UNC5A: variants seen among roughly 807,000 people sequenced by gnomAD.
The protein encoded by UNC5A is netrin receptor UNC5A.
In UNC5A, 20 loss-of-function variants were observed where a neutral mutation model predicts 87.4. The observed-to-expected ratio is 0.23, with a 90% CI of 0.16 to 0.33. The LOEUF (loss-of-function observed/expected upper bound fraction) is 0.33, where lower values mean the gene tolerates loss of function less well. UNC5A is among the 10% of genes least tolerant of loss of function. The pLI is 1.00. For missense variants in UNC5A, 844 were observed against 1,133.4 expected (o/e 0.74, Z 3.67); for synonymous variants, 438 against 482.3 (o/e 0.91, Z 1.20).
chr5:176,832,823 G>A (rs1318611111), intron 1 of UNC5A, among the ~76,000 whole-genome samples: 1 of 152,164 alleles, frequency 6.6e-6, no homozygotes, highest in African/African-American at 2.4e-5. Context: ...GTTGGTACTC[G>A]AGTGATCTCC....
At position 176,879,470 on chromosome 5, in the gene UNC5A, A is replaced by C; in HGVS notation, c.2345A>C (p.Gln782Pro). 1 of 1,609,698 alleles carries C rather than the reference A, an allele frequency of 6.2e-7. No individual in the cohort carries two copies. Among genetic ancestry groups the C allele is most frequent in the Non-Finnish European group, 8.5e-7 (1 of 1,178,346 alleles). ...RRGADWRTLA[Q>P]KLHLDSHLSF... ...GGTGCCGACTGGCGGACTCTGGCCC[A>C]GAAACTCCACCTGGACAGGTGGGCG... The change falls in exon 14 of 15, where the codon CAG (glutamine) becomes CCG (proline). Residue 782 changes from glutamine (Q) to proline (P), a missense_variant. Around this residue, in one of 3 missense-constraint regions of UNC5A, gnomAD observed 177 missense variants for 279.4 expected, o/e 0.63. Coordinates refer to ENST00000329542, the MANE Select transcript of UNC5A (RefSeq NM_133369.3).
intron 1 of UNC5A, among the ~76,000 whole-genome samples, chr5:176,822,344 G>T (rs1756747697): frequency 1.3e-5 from 2 of 152,228 alleles, no homozygotes; most frequent in South Asian, 4.1e-4. Context: ...GGTATCAAGG[G>T]CAGGGCCTGC....
At position 176,862,644 on chromosome 5, in the gene UNC5A, G is replaced by A. The variant is rs764604029; in HGVS notation, c.91G>A (p.Val31Met). ...CGCAGGTGCCCAGCAGAGTGCCACC[G>A]TGGCCAACCCAGTGCCTGGTGCCAA... ...RGSGAQQSAT[V>M]ANPVPGANPD... Residue 31 changes from valine to methionine, a missense_variant, in exon 2 of 15, where the codon GTG (valine) becomes ATG (methionine). By Grantham distance (21) the Val-to-Met change is conservative (BLOSUM62 1). Around this residue, in one of 3 missense-constraint regions of UNC5A, gnomAD observed 314 missense variants for 466.5 expected, o/e 0.67. Coordinates refer to ENST00000329542, the MANE Select transcript of UNC5A (RefSeq NM_133369.3). 39 of 1,613,318 alleles carry A rather than the reference G, an allele frequency of 2.4e-5. No homozygotes were observed. The highest frequency in any genetic ancestry group is 3.3e-5 in the Admixed American group (2 of 60,008).
intron 1 of UNC5A, among the ~76,000 whole-genome samples, chr5:176,811,686 T>C (rs982725629): frequency 1.3e-5 from 2 of 152,086 alleles, no homozygotes; most frequent in African/African-American, 2.4e-5. Context: ...TGTGGGGGCC[T>C]CCTGATCTCT....
chr5:176,843,684 C>G (rs1757333849), intron 1 of UNC5A, among the ~76,000 whole-genome samples: 1 of 152,242 alleles, frequency 6.6e-6, no homozygotes, highest in Non-Finnish European at 1.5e-5. Context: ...TTATTATCCA[C>G]GGAAGATTCT....
Position 176,848,775 on chromosome 5 carries a change from A to C in UNC5A, c.71-13849A>C, listed in dbSNP as rs2113632569. Among the ~76,000 whole-genome samples the C allele has an allele frequency of 6.6e-6, 1 of 152,264 alleles. No individual in the cohort carries two copies. The highest frequency in any genetic ancestry group is 2.1e-4 in the South Asian group (1 of 4,820). ...CCCAGGGGCAGGAGCTGAGGCTCAG[A>C]CCACGGGCACACAAGATGGGCAGCC... On this transcript the variant is annotated intron_variant, in intron 1 of 14. Transcript: ENST00000329542. This position sits in a 1 kb window ranked among gnomAD's most constrained non-coding sequence, Gnocchi z 5.8.
intron 1 of UNC5A, among the ~76,000 whole-genome samples, chr5:176,817,568 C>A (rs1756622161): frequency 2.0e-5 from 3 of 150,792 alleles, no homozygotes; most frequent in Non-Finnish European, 4.4e-5. Flanking sequence ...CCGCCCCCCA[C>A]CCCGCCCCTC....
At position 176,810,725 on chromosome 5, in the gene UNC5A, G is replaced by A. The variant is rs957933584; in HGVS notation, c.-26G>A. On this transcript the variant is annotated 5_prime_UTR_variant, in exon 1 of 15. Transcript: ENST00000329542. This position sits in a 1 kb window ranked among gnomAD's most constrained non-coding sequence, Gnocchi z 7.3. The stretch of plus-strand genomic sequence containing the variant: ...TCCCGCCCGCGGGGCCCCGCGCCCG[G>A]CCCGCCCGCCTGCCCGCCCGCGGCC... The A allele has an allele frequency of 4.4e-5, 47 of 1,059,910 alleles. No individual in the cohort carries two copies. The highest frequency in any genetic ancestry group is 5.2e-5 in the Non-Finnish European group (45 of 870,610). 65.7% of individuals were successfully genotyped at this position (1,059,910 alleles called of 1,614,324 possible).
chr5:176,868,841 A>G lies in UNC5A; in HGVS notation c.598A>G (p.Ile200Val). ...CCCGTCCCTGGACCCCAATGTATAC[A>G]TCACGCGGGAGCACAGCCTGGTGGT... ...VDPSLDPNVY[I>V]TREHSLVVRQ... The change falls in exon 5 of 15, where the codon ATC becomes GTC. Residue 200 changes from isoleucine to valine, a missense_variant. Around this residue, in one of 3 missense-constraint regions of UNC5A, gnomAD observed 314 missense variants for 466.5 expected, o/e 0.67. Transcript: ENST00000329542. 6.2e-7 allele frequency: 1 copy of G among 1,612,702 alleles called. No individual in the cohort carries two copies. The highest frequency in any genetic ancestry group is 1.1e-5 in the South Asian group (1 of 91,062).
chr5:176,834,367 C>T (rs1561646369), intron 1 of UNC5A, among the ~76,000 whole-genome samples: 1 of 152,136 alleles, frequency 6.6e-6, no homozygotes, highest in South Asian at 2.1e-4. Context: ...CCTGTCTTCC[C>T]GGGATTACTT....
At chr5:176,867,431 C>T (rs780381339) in intron 2 of UNC5A, among the ~76,000 whole-genome samples, 7 of 152,094 alleles carry the variant, frequency 4.6e-5, no homozygotes, top group Non-Finnish European at 8.8e-5. Context: ...GCTGCTCTCT[C>T]ACCCTCTTCC....
At chr5:176,873,587 G>T (rs1307074609) in intron 6 of UNC5A, among the ~76,000 whole-genome samples, 1 of 152,142 alleles carries the variant, frequency 6.6e-6, no homozygotes, top group Non-Finnish European at 1.5e-5. Context: ...GTGCTCTGGG[G>T]ATCCCAGGAG....
chr5:176,856,335 T>C (rs1193054510), intron 1 of UNC5A, among the ~76,000 whole-genome samples: 1 of 152,186 alleles, frequency 6.6e-6, no homozygotes, highest in African/African-American at 2.4e-5. Flanking sequence ...AGCCAGGGGC[T>C]TCTCCTGCCC....
chr5:176,869,708 G>A lies in UNC5A; in HGVS notation c.722-662G>A, dbSNP rs758767351. On this transcript the variant is annotated intron_variant, in intron 5 of 14. Transcript: ENST00000329542. The surrounding 1 kb of genome is among the most constrained non-coding windows in gnomAD (Gnocchi z 9.1). ...AACGGAGCCGGAGCTGCACCAACCC[G>A]GCGCCTCTCAACGGGGGCGCTTTCT... 1.2e-4 allele frequency: 83 copies of A among 676,554 alleles called. No individual in the cohort carries two copies. The highest frequency in any genetic ancestry group is 1.9e-4 in the Non-Finnish European group (70 of 368,308). 41.9% of individuals were successfully genotyped at this position (676,554 alleles called of 1,614,324 possible).
chr5:176,867,134 C>G (rs1449922628), intron 2 of UNC5A, among the ~76,000 whole-genome samples: 1 of 152,178 alleles, frequency 6.6e-6, no homozygotes, highest in Non-Finnish European at 1.5e-5. Flanking sequence ...GGCTGCCGGC[C>G]TCTCTCTCCC....
rs1757976128 is a variant in UNC5A, at chr5:176,866,450, G to A, written c.293-1680G>A. On this transcript the variant is annotated intron_variant, in intron 2 of 14. Transcript: ENST00000329542. This position sits in a 1 kb window ranked among gnomAD's most constrained non-coding sequence, Gnocchi z 5.0. ...AGGGAAGGCAAAGGGAGAAGAAAAG[G>A]GAGCGCTTAAAGGTAGTGCTGTTCT... 6.6e-6 allele frequency among the ~76,000 whole-genome samples: 1 copy of A among 152,160 alleles called. No individual in the cohort carries two copies. The highest frequency in any genetic ancestry group is 2.4e-5 in the African/African-American group (1 of 41,436).
At chr5:176,819,927 C>A (rs1351617046) in intron 1 of UNC5A, among the ~76,000 whole-genome samples, 1 of 152,212 alleles carries the variant, frequency 6.6e-6, no homozygotes, top group Admixed American at 6.5e-5. Flanking sequence ...AGAAGTAAAG[C>A]GGGATCTGGA....
At chr5:176,856,609 G>A (rs148529413) in intron 1 of UNC5A, among the ~76,000 whole-genome samples, 1 of 152,300 alleles carries the variant, frequency 6.6e-6, no homozygotes, top group Non-Finnish European at 1.5e-5. Context: ...GATGGAGCAG[G>A]TGCTTTGAGT....
chr5:176,849,671 G>T (rs1455562421), intron 1 of UNC5A, among the ~76,000 whole-genome samples: 5 of 151,990 alleles, frequency 3.3e-5, no homozygotes, highest in Admixed American at 6.6e-5. Flanking sequence ...GCCCCTGAAG[G>T]CACTGAACTT....
Sources: gnomAD v4.1 joint callset for allele counts (sites outside exome capture counted in the v4.1 genomes callset) on GRCh38, gnomAD v4.1.1 for gene constraint, gnomAD v4.1.1 regional missense constraint, Gnocchi (gnomAD v3.1) non-coding constraint, MANE v1.5 for transcripts, NCBI Gene and HGNC (gene_info 2026-07-23, HGNC 2026-07-21) for gene names.